Variants in STEAP1B observed in about 807,000 individuals in gnomAD.
STEAP1B encodes the protein STEAP family protein MGC87042.
STEAP1B carries 13 observed loss-of-function variants against 27.9 expected under a neutral mutation model. The ratio of observed to expected loss-of-function variants is 0.47; its 90% confidence interval spans 0.30 to 0.74. The LOEUF is 0.74. Ranked by LOEUF, STEAP1B falls within the 30% of genes least tolerant of loss-of-function variation. The pLI, the probability that STEAP1B is intolerant of heterozygous loss-of-function variation, is 0.06. For missense variants in STEAP1B, 250 were observed against 298.7 expected (o/e 0.84, Z 1.20); for synonymous variants, 86 against 107.1 (o/e 0.80, Z 1.22).
intron 4 of STEAP1B, among the ~76,000 whole-genome samples, chr7:22,486,081 T>C (rs533503723): frequency 6.6e-6 from 1 of 152,328 alleles, no homozygotes; most frequent in Admixed American, 6.5e-5. Flanking sequence ...AAAATCCCAG[T>C]GCCCATTCTG....
At chr7:22,439,759 C>T (rs1785304222) in intron 4 of STEAP1B, among the ~76,000 whole-genome samples, 1 of 152,132 alleles carries the variant, frequency 6.6e-6, no homozygotes, top group Non-Finnish European at 1.5e-5. Flanking sequence ...AAACTATCAT[C>T]ATCAAAAATT....
intron 4 of STEAP1B, among the ~76,000 whole-genome samples, chr7:22,487,557 G>A (rs905312657): frequency 1.5e-5 from 2 of 136,454 alleles, no homozygotes; most frequent in Admixed American, 7.4e-5. Flanking sequence ...TTAGGACGCC[G>A]AGGATGGCGG....
At chr7:22,465,941 A>G (rs1252962374) in intron 4 of STEAP1B, among the ~76,000 whole-genome samples, 1 of 152,154 alleles carries the variant, frequency 6.6e-6, no homozygotes, top group South Asian at 2.1e-4. Flanking sequence ...GATCTCCCGC[A>G]TGGCTCATGT....
intron 4 of STEAP1B, among the ~76,000 whole-genome samples, chr7:22,477,494 C>G (rs755294190): frequency 2.6e-5 from 4 of 152,208 alleles, no homozygotes; most frequent in Non-Finnish European, 4.4e-5. Flanking sequence ...TCACACAAAT[C>G]ATAAATCTGC....
chr7:22,420,774 G>A (rs1337304321), intron 4 of STEAP1B, among the ~76,000 whole-genome samples: 1 of 152,170 alleles, frequency 6.6e-6, no homozygotes. Flanking sequence ...ATGGCACTTG[G>A]TATTTGCCTG....
chr7:22,452,419 T>TC (rs35443406), intron 4 of STEAP1B, among the ~76,000 whole-genome samples: 22 of 144,500 alleles, frequency 1.5e-4, no homozygotes, highest in East Asian at 4.0e-4. Flanking sequence ...TGGCAGACAA[T>TC]CCCCCCCCTC....
chr7:22,438,615 A>T, intron 4 of STEAP1B: 1 of 1,552,048 alleles, frequency 6.4e-7, no homozygotes, highest in Non-Finnish European at 8.7e-7. Flanking sequence ...AGTATATATA[A>T]CTCCTAGTCT....
intron 4 of STEAP1B, among the ~76,000 whole-genome samples, chr7:22,481,042 A>T (rs536027225): frequency 6.6e-6 from 1 of 152,356 alleles, no homozygotes; most frequent in South Asian, 2.1e-4. Flanking sequence ...GCAGAATGCC[A>T]CAGATACATC....
At chr7:22,447,157 C>A (rs749712811) in intron 4 of STEAP1B, among the ~76,000 whole-genome samples, 2 of 152,138 alleles carry the variant, frequency 1.3e-5, no homozygotes, top group East Asian at 1.9e-4. Flanking sequence ...CACTTTGTAA[C>A]CAGAGTCACT....
chr7:22,487,829 AG>A, intron 4 of STEAP1B, among the ~76,000 whole-genome samples: 1 of 150,784 alleles, frequency 6.6e-6, no homozygotes, highest in Non-Finnish European at 1.5e-5. Context: ...AAAAGAAAAA[AG>A]AAAAAAAAAA....
At chr7:22,461,957 A>C (rs1583642741) in intron 4 of STEAP1B, among the ~76,000 whole-genome samples, 1 of 152,204 alleles carries the variant, frequency 6.6e-6, no homozygotes, top group Non-Finnish European at 1.5e-5. Flanking sequence ...CTTGAAACGT[A>C]CCAGCCACGT....
chr7:22,495,825 T>C (rs1023822464), intron 1 of STEAP1B, among the ~76,000 whole-genome samples: 18 of 152,196 alleles, frequency 1.2e-4, no homozygotes, highest in African/African-American at 4.3e-4. Context: ...ACATAACATT[T>C]TGGTCAACGA....
Position 22,444,424 on chromosome 7 carries a change from TA to T in STEAP1B, c.763-24589del, listed in dbSNP as rs11332138. Among the ~76,000 whole-genome samples, 433 of 149,524 alleles carry T rather than the reference TA, an allele frequency of 2.9e-3. 2 individuals carry two copies. Among genetic ancestry groups the T allele is most frequent in the African/African-American group, 9.4e-3 (384 of 40,794 alleles). The stretch of plus-strand genomic sequence containing the variant: ...TTCTATTTTGCCTGTTTCCCTGTTT[TA>T]AAAAAAAAAAGTAAAAAGAAAATAT... On this transcript the variant is annotated intron_variant, in intron 4 of 4. Coordinates refer to ENST00000678116, the MANE Select transcript of STEAP1B (RefSeq NM_001382447.1).
At chr7:22,484,161 A>C (rs117153146) in intron 4 of STEAP1B, among the ~76,000 whole-genome samples, 28 of 152,334 alleles carry the variant, frequency 1.8e-4, no homozygotes, top group South Asian at 8.3e-4. Flanking sequence ...AGGATCATTG[A>C]AGCAGGTGGC....
intron 4 of STEAP1B, among the ~76,000 whole-genome samples, chr7:22,454,840 T>TAAATATAA (rs1258577226): frequency 0.085 from 6,980 of 82,276 alleles, 225 homozygotes; most frequent in East Asian, 0.28. Flanking sequence ...TATATATATA[T>TAAATATAA]ATATATATGT....
At chr7:22,457,722 G>T (rs1473027208) in intron 4 of STEAP1B, among the ~76,000 whole-genome samples, 2 of 152,222 alleles carry the variant, frequency 1.3e-5, no homozygotes, top group African/African-American at 4.8e-5. Flanking sequence ...AAGGGCTTGG[G>T]CCAAGCACAG....
chr7:22,437,484 C>T (rs1025368950), intron 4 of STEAP1B, among the ~76,000 whole-genome samples: 1 of 152,178 alleles, frequency 6.6e-6, no homozygotes, highest in Non-Finnish European at 1.5e-5. Flanking sequence ...TATACATTTT[C>T]GTTATCCATT....
At chr7:22,472,289 A>C (rs1785898677) in intron 4 of STEAP1B, among the ~76,000 whole-genome samples, 1 of 152,218 alleles carries the variant, frequency 6.6e-6, no homozygotes, top group African/African-American at 2.4e-5. Flanking sequence ...AGAGTCTTAC[A>C]TCCCCATGTG....
At chr7:22,457,887 C>T (rs1217074373) in intron 4 of STEAP1B, among the ~76,000 whole-genome samples, 1 of 152,154 alleles carries the variant, frequency 6.6e-6, no homozygotes, top group Non-Finnish European at 1.5e-5. Context: ...TAATTATTGG[C>T]GTTACTCTGC....
Sources: gnomAD v4.1 joint callset for allele counts (sites outside exome capture counted in the v4.1 genomes callset) on GRCh38, gnomAD v4.1.1 for gene constraint, MANE v1.5 for transcripts, NCBI Gene and HGNC (gene_info 2026-07-23, HGNC 2026-07-21) for gene names.